The following CAMKMT variants were observed in gnomAD, a reference collection of about 807,000 sequenced individuals.
CAMKMT encodes the protein CaM KMT.
Under a neutral mutation model 48.0 loss-of-function variants are expected in CAMKMT, and 53 were observed. The ratio of observed to expected loss-of-function variants is 1.10; its 90% confidence interval spans 0.89 to 1.39. The LOEUF is 1.39. CAMKMT is among the 40% of genes most tolerant of loss of function. The pLI is 0.00. For missense variants in CAMKMT, 428 were observed against 402.7 expected (o/e 1.06, Z -0.54); for synonymous variants, 165 against 152.3 (o/e 1.08, Z -0.61).
intron 3 of CAMKMT, among the ~76,000 whole-genome samples, chr2:44,422,302 C>G (rs759318492): frequency 3.9e-5 from 6 of 152,204 alleles, no homozygotes; most frequent in Non-Finnish European, 8.8e-5. Flanking sequence ...AATTAAACTT[C>G]TTTTCTTTAT....
chr2:44,411,154 A>C (rs886120695), intron 3 of CAMKMT, among the ~76,000 whole-genome samples: 1 of 152,172 alleles, frequency 6.6e-6, no homozygotes, highest in Non-Finnish European at 1.5e-5. Flanking sequence ...AACAAATGTA[A>C]TTTGCGGTCT....
At chr2:44,483,948 T>C (rs1207531597) in intron 3 of CAMKMT, among the ~76,000 whole-genome samples, 1 of 152,192 alleles carries the variant, frequency 6.6e-6, no homozygotes, top group East Asian at 1.9e-4. Context: ...TTAAAAATTA[T>C]GTTTTCTTGC....
chr2:44,497,287 G>C (rs181032769), intron 3 of CAMKMT, among the ~76,000 whole-genome samples: 25 of 152,212 alleles, frequency 1.6e-4, no homozygotes, highest in Non-Finnish European at 2.6e-4. Flanking sequence ...AAAATAAATA[G>C]TGTAGATTGG....
intron 3 of CAMKMT, among the ~76,000 whole-genome samples, chr2:44,664,112 G>T (rs1674829600): frequency 2.0e-5 from 3 of 152,152 alleles, no homozygotes; most frequent in Admixed American, 2.0e-4. Context: ...TTGGGTTATA[G>T]TTGTTTCATG....
chr2:44,383,429 C>G (rs768221963), intron 2 of CAMKMT, among the ~76,000 whole-genome samples: 1 of 152,178 alleles, frequency 6.6e-6, no homozygotes, highest in South Asian at 2.1e-4. Flanking sequence ...TCCCAAAGTG[C>G]TGGGATTACA....
chr2:44,474,610 A>G (rs1323521305), intron 3 of CAMKMT, among the ~76,000 whole-genome samples: 2 of 152,176 alleles, frequency 1.3e-5, no homozygotes, highest in Non-Finnish European at 2.9e-5. Context: ...TAATTCCTAT[A>G]TGTCTATCAA....
Position 44,624,634 on chromosome 2 carries a change from A to G in CAMKMT, c.377-79649A>G, listed in dbSNP as rs534689769. 5.9e-5 allele frequency among the ~76,000 whole-genome samples: 9 copies of G among 152,274 alleles called. No individual in the cohort carries two copies. In the East Asian group the frequency reaches 1.7e-3, roughly 29 times the overall value. ...AGAATGATGGTTTCCAGCTTCATCC[A>G]TGTTCCTACAAAGGACATGAACTCA... On this transcript the variant is annotated intron_variant, in intron 3 of 10. Coordinates refer to ENST00000378494, the MANE Select transcript of CAMKMT (RefSeq NM_024766.5).
intron 3 of CAMKMT, among the ~76,000 whole-genome samples, chr2:44,621,499 G>C (rs1424540649): frequency 6.6e-6 from 1 of 152,184 alleles, no homozygotes; most frequent in African/African-American, 2.4e-5. Context: ...TCTAAAGGAT[G>C]AGAATAGACC....
intron 9 of CAMKMT, among the ~76,000 whole-genome samples, chr2:44,755,992 AG>A (rs1680360220): frequency 6.6e-6 from 1 of 152,224 alleles, no homozygotes. Context: ...CAAGGCTGCC[AG>A]GTATTCTAGC....
chr2:44,707,377 TG>T (rs1330496821), intron 5 of CAMKMT, 21 bp from the exon 6 acceptor site: 2 of 1,610,710 alleles, frequency 1.2e-6, no homozygotes, highest in Non-Finnish European at 1.7e-6. Flanking sequence ...CATTGTTTGC[TG>T]TGCTCCCTTT....
intron 3 of CAMKMT, among the ~76,000 whole-genome samples, chr2:44,594,751 G>A (rs924664901): frequency 1.4e-4 from 22 of 152,118 alleles, no homozygotes; most frequent in Non-Finnish European, 8.8e-5. Flanking sequence ...CATAGGCATG[G>A]GCAAAGACTT....
intron 3 of CAMKMT, among the ~76,000 whole-genome samples, chr2:44,627,191 C>A (rs79550472): frequency 6.6e-6 from 1 of 152,050 alleles, no homozygotes; most frequent in African/African-American, 2.4e-5. Flanking sequence ...GTTAATTCAA[C>A]CTTACAGAAT....
intron 3 of CAMKMT, among the ~76,000 whole-genome samples, chr2:44,594,109 T>A (rs1041230599): frequency 4.6e-5 from 7 of 151,782 alleles, no homozygotes; most frequent in South Asian, 2.1e-4. Context: ...CTTACAAGGG[T>A]TGTGAAGGAC....
At chr2:44,575,103 G>T (rs1200622111) in intron 3 of CAMKMT, among the ~76,000 whole-genome samples, 18 of 151,306 alleles carry the variant, frequency 1.2e-4, no homozygotes, top group Non-Finnish European at 2.9e-5. Flanking sequence ...TTTTGAGACA[G>T]AGTCTCACTC....
intron 3 of CAMKMT, among the ~76,000 whole-genome samples, chr2:44,592,709 G>A (rs762127986): frequency 5.9e-5 from 9 of 152,166 alleles, no homozygotes; most frequent in East Asian, 3.8e-4. Context: ...TCCTATCTGC[G>A]ATTTCAGGCA....
intron 3 of CAMKMT, among the ~76,000 whole-genome samples, chr2:44,622,109 C>G (rs1672231019): frequency 6.6e-6 from 1 of 152,174 alleles, no homozygotes; most frequent in Non-Finnish European, 1.5e-5. Context: ...AGTCAACAAT[C>G]TCCAGGCACC....
chr2:44,449,887 T>G (rs1247580645), intron 3 of CAMKMT, among the ~76,000 whole-genome samples: 1 of 152,180 alleles, frequency 6.6e-6, no homozygotes, highest in African/African-American at 2.4e-5. Flanking sequence ...ATTTTTACAT[T>G]GTTTTACATA....
At position 44,512,108 on chromosome 2, in the gene CAMKMT, G is replaced by A. The variant is rs150177721; in HGVS notation, c.376+121803G>A. Among the ~76,000 whole-genome samples, 4 of 152,272 alleles carry A rather than the reference G, an allele frequency of 2.6e-5. No homozygotes were observed. In the East Asian group the frequency reaches 7.7e-4, roughly 29 times the overall value. On this transcript the variant is annotated intron_variant, in intron 3 of 10. Transcript: ENST00000378494. The stretch of plus-strand genomic sequence containing the variant: ...GTCAGCCATGACACTTGTAGTCACT[G>A]CTGCTACCACTTACCAAGGAACTCA...
At chr2:44,498,084 TA>T (rs1328932371) in intron 3 of CAMKMT, among the ~76,000 whole-genome samples, 7 of 152,198 alleles carry the variant, frequency 4.6e-5, no homozygotes, top group African/African-American at 1.4e-4. Flanking sequence ...GTTTCCTTTA[TA>T]TTTTTACCCT....
Sources: allele counts gnomAD v4.1 joint callset (sites outside exome capture counted in the v4.1 genomes callset), GRCh38; gene constraint gnomAD v4.1.1; transcripts MANE v1.5; gene names NCBI Gene and HGNC (gene_info 2026-07-23, HGNC 2026-07-21).